Variants in BMP8A observed in about 807,000 individuals in gnomAD.
BMP8A encodes bone morphogenetic protein 8a, also known as BMP-8A.
In BMP8A, 14 loss-of-function variants were observed where a neutral mutation model predicts 36.8. The observed-to-expected ratio is 0.38, with a 90% confidence interval of 0.25 to 0.60. The LOEUF (loss-of-function observed/expected upper bound fraction) is 0.60, where lower values mean the gene tolerates loss of function less well. Ranked by LOEUF, BMP8A falls within the 20% of genes least tolerant of loss-of-function variation. The probability of loss-of-function intolerance (pLI) is 0.63; values close to 1 mark genes in which losing one functional copy is unlikely to be tolerated. For missense variants in BMP8A, 267 were observed against 551.1 expected (o/e 0.48, Z 5.16); for synonymous variants, 120 against 237.7 (o/e 0.50, Z 4.55).
chr1:39,527,563 C>T lies in BMP8A; in HGVS notation c.*1765C>T, dbSNP rs1025085012. Among the ~76,000 whole-genome samples, 1 of 152,198 alleles carries T rather than the reference C, an allele frequency of 6.6e-6. No homozygotes were observed. The highest frequency in any genetic ancestry group is 2.4e-5 in the African/African-American group (1 of 41,454). On this transcript the variant is annotated 3_prime_UTR_variant, in exon 7 of 7. Transcript: ENST00000331593. ...AGCAGGGGTGGAGGCTGGGGCCACA[C>T]TGCGGGACAGCAGCCCCTCCACCTG... is the stretch of plus-strand genomic sequence containing the variant.
Position 39,491,909 on chromosome 1 carries a change from C to T in BMP8A, c.-83C>T, listed in dbSNP as rs1645161270. 4 of 1,026,414 alleles carry T rather than the reference C, an allele frequency of 3.9e-6. No homozygotes were observed. The Admixed American group carries it at 2.2e-4, about 57-fold the overall frequency. The allele number at this position is 1,026,414 out of a possible 1,614,324, so 63.6% of individuals were successfully genotyped here. A position where few individuals can be genotyped will look rare whatever the true frequency, so the allele number is the denominator to read the frequency against. On this transcript the variant is annotated 5_prime_UTR_variant, in exon 1 of 7. Transcript: ENST00000331593. The stretch of plus-strand genomic sequence containing the variant: ...CCCGCCCCCTGCTCGCCGAACTCAG[C>T]TCCCCGTTCGCCGTCGGGGCGTCCC...
chr1:39,505,877 C>G (rs1018683750), intron 1 of BMP8A, among the ~76,000 whole-genome samples: 1 of 150,792 alleles, frequency 6.6e-6, no homozygotes, highest in Non-Finnish European at 1.5e-5. Flanking sequence ...TCCCTGCTAC[C>G]CCAGAGGCTG....
chr1:39,506,739 CATAGGCTAATCTT>C (rs1645305090), intron 1 of BMP8A, among the ~76,000 whole-genome samples: 1 of 152,130 alleles, frequency 6.6e-6, no homozygotes, highest in Non-Finnish European at 1.5e-5. Context: ...GCACTTAGCA[CATAGGCTAATCTT>C]GTTTGTTAAC....
At chr1:39,498,478 C>T (rs1244629904) in intron 1 of BMP8A, among the ~76,000 whole-genome samples, 1 of 152,158 alleles carries the variant, frequency 6.6e-6, no homozygotes, top group Non-Finnish European at 1.5e-5. Flanking sequence ...ATTTGGGGTC[C>T]AGAACTGTCT....
chr1:39,523,189 G>A, intron 6 of BMP8A, 72 bp downstream of exon 6: 1 of 1,543,302 alleles, frequency 6.5e-7, no homozygotes, highest in Non-Finnish European at 8.9e-7. Flanking sequence ...GGTCCAGCCA[G>A]CCGGGAGGGC....
At position 39,526,486 on chromosome 1, in the gene BMP8A, C is replaced by G. The variant is rs548259506; in HGVS notation, c.*688C>G. On this transcript the variant is annotated 3_prime_UTR_variant, in exon 7 of 7. Transcript: ENST00000331593. ...CCTGAGTAGCTGGGATTACAGGGGCCCACCACCACGCCCAGCTCATTCTTG... is the reference window on the plus strand; with the variant it reads ...CCTGAGTAGCTGGGATTACAGGGGCGCACCACCACGCCCAGCTCATTCTTG... Among the ~76,000 whole-genome samples, 431 of 152,122 alleles carry G rather than the reference C, an allele frequency of 2.8e-3. 1 individual carries two copies. The highest frequency in any genetic ancestry group is 5.0e-3 in the Non-Finnish European group (343 of 67,968).
Position 39,511,304 on chromosome 1 carries a change from C to T in BMP8A, c.465C>T (p.His155=). The T allele has an allele frequency of 8.6e-7, 1 of 1,160,380 alleles. No homozygotes were observed. Among genetic ancestry groups the T allele is most frequent in the East Asian group, 2.6e-5 (1 of 38,720 alleles). 71.9% of individuals were successfully genotyped at this position (1,160,380 alleles called of 1,614,324 possible). Reference sequence around the variant, plus strand: ...GGATTTACAAGGTGCCCAGCATCCACCTGCTCAACAGGACCCTCCACGTCA... The same window carrying T: ...GGATTTACAAGGTGCCCAGCATCCATCTGCTCAACAGGACCCTCCACGTCA... The part of the protein sequence containing the change: ...EFRIYKVPSI[H]LLNRTLHVSM... Residue 155 remains histidine (H), a synonymous_variant, in exon 2 of 7, where the codon CAC becomes CAT. Coordinates refer to ENST00000331593, the MANE Select transcript of BMP8A (RefSeq NM_181809.4).
chr1:39,497,755 C>A (rs751567039), intron 1 of BMP8A, among the ~76,000 whole-genome samples: 1 of 151,402 alleles, frequency 6.6e-6, no homozygotes, highest in Admixed American at 6.6e-5. Context: ...CCCTGCCCCC[C>A]ACCCCGTGGC....
At chr1:39,520,146 G>GT (rs1361923203) in intron 3 of BMP8A, among the ~76,000 whole-genome samples, 5 of 47,368 alleles carry the variant, frequency 1.1e-4, no homozygotes, top group African/African-American at 1.8e-4. Flanking sequence ...TTTGTGTTTT[G>GT]TTTTTTTTTC....
chr1:39,497,978 G>A (rs771917466), intron 1 of BMP8A, among the ~76,000 whole-genome samples: 1 of 152,238 alleles, frequency 6.6e-6, no homozygotes, highest in Admixed American at 6.5e-5. Context: ...TCGGGTGTCT[G>A]TTGATAGGAG....
rs1217031265 is a variant in BMP8A, at chr1:39,527,150, G to A, written c.*1352G>A. The stretch of plus-strand genomic sequence containing the variant: ...GCCACCAAAATTGGCGTCACCCTGG[G>A]TGCCCACCAGCGCTGTCCTGTGTCT... On this transcript the variant is annotated 3_prime_UTR_variant, in exon 7 of 7. Coordinates refer to ENST00000331593, the MANE Select transcript of BMP8A (RefSeq NM_181809.4). 6.6e-6 allele frequency among the ~76,000 whole-genome samples: 1 copy of A among 152,136 alleles called. No homozygotes were observed. The highest frequency in any genetic ancestry group is 2.4e-5 in the African/African-American group (1 of 41,430).
chr1:39,495,218 C>T lies in BMP8A; in HGVS notation c.334+2893C>T, dbSNP rs2636346. Reference sequence around the variant, plus strand: ...CTCATCTGAGTCCTGAAAAGCCAGGCCTGGTGCCCCTAGGGCCCAACTCTT... The same window carrying T: ...CTCATCTGAGTCCTGAAAAGCCAGGTCTGGTGCCCCTAGGGCCCAACTCTT... On this transcript the variant is annotated intron_variant, in intron 1 of 6. Transcript: ENST00000331593. Among the ~76,000 whole-genome samples, 84 of 152,258 alleles carry T rather than the reference C, an allele frequency of 5.5e-4. 1 individual carries two copies. The highest frequency in any genetic ancestry group is 1.0e-3 in the South Asian group (5 of 4,828).
In BMP8A at chr1:39,491,654, C is replaced by T. The variant is rs1467973562; in HGVS notation, c.-338C>T. 2 of 154,366 alleles carry T rather than the reference C, an allele frequency of 1.3e-5. No individual in the cohort carries two copies. The highest frequency in any genetic ancestry group is 2.9e-5 in the Non-Finnish European group (2 of 69,690). 9.6% of individuals were successfully genotyped at this position (154,366 alleles called of 1,614,324 possible). ...GGGAATCGCGCCGCCCGGGTCGCTG[C>T]CGGAGCTCGCCGGTCGCCCCTGCGC... On this transcript the variant is annotated 5_prime_UTR_variant, in exon 1 of 7. Coordinates refer to ENST00000331593, the MANE Select transcript of BMP8A (RefSeq NM_181809.4).
At position 39,527,477 on chromosome 1, in the gene BMP8A, C is replaced by T. The variant is rs1167660861; in HGVS notation, c.*1679C>T. On this transcript the variant is annotated 3_prime_UTR_variant, in exon 7 of 7. Transcript: ENST00000331593. ...CCACCTCCCCATGGGCCCAAGGATG[C>T]GCCTCTCTGGAGTTCACGTGCTGCA... Among the ~76,000 whole-genome samples, 3 of 152,166 alleles carry T rather than the reference C, an allele frequency of 2.0e-5. No homozygotes were observed. Among genetic ancestry groups the T allele is most frequent in the Non-Finnish European group, 2.9e-5 (2 of 68,014 alleles).
intron 1 of BMP8A, among the ~76,000 whole-genome samples, chr1:39,495,281 C>T (rs554077549): frequency 6.6e-6 from 1 of 152,310 alleles, no homozygotes; most frequent in African/African-American, 2.4e-5. Flanking sequence ...GGGGCTCTCG[C>T]TGGCTTCCCA....
At chr1:39,506,626 CTAAATAATCCTAAA>C (rs1645304087) in intron 1 of BMP8A, among the ~76,000 whole-genome samples, 1 of 152,174 alleles carries the variant, frequency 6.6e-6, no homozygotes, top group East Asian at 1.9e-4. Context: ...CTCTTTAGAT[CTAAATAATCCTAAA>C]GTATTTCAAA....
chr1:39,504,898 G>C (rs944590440), intron 1 of BMP8A, among the ~76,000 whole-genome samples: 1 of 151,242 alleles, frequency 6.6e-6, no homozygotes, highest in African/African-American at 2.4e-5. Context: ...TTTAAGGAAA[G>C]TTGCCGTGCC....
chr1:39,512,886 CAAAA>C (rs1217551135), intron 3 of BMP8A, among the ~76,000 whole-genome samples: 1 of 144,762 alleles, frequency 6.9e-6, no homozygotes, highest in Non-Finnish European at 1.5e-5. Flanking sequence ...CCAAGCTCAT[CAAAA>C]AAAAGGGAAG....
intron 1 of BMP8A, among the ~76,000 whole-genome samples, chr1:39,507,052 T>C (rs1024877600): frequency 1.3e-5 from 2 of 152,132 alleles, no homozygotes; most frequent in African/African-American, 4.8e-5. Context: ...CCCTCAAAAA[T>C]AGGATCACTG....
Sources: allele counts gnomAD v4.1 joint callset (sites outside exome capture counted in the v4.1 genomes callset), GRCh38; gene constraint gnomAD v4.1.1; transcripts MANE v1.5; gene names NCBI Gene and HGNC (gene_info 2026-07-23, HGNC 2026-07-21).